AOPEP: variants seen among roughly 807,000 people sequenced by gnomAD.
AOPEP encodes aminopeptidase O.
Under a neutral mutation model 98.1 loss-of-function variants are expected in AOPEP, and 77 were observed. The ratio of observed to expected loss-of-function variants is 0.78; its 90% confidence interval spans 0.65 to 0.95. The LOEUF is 0.95. AOPEP is among the 40% of genes least tolerant of loss of function. AOPEP has a pLI of 0.00. For missense variants in AOPEP, 1,024 were observed against 1,024.7 expected (o/e 1.00, Z 0.01); for synonymous variants, 346 against 365.3 (o/e 0.95, Z 0.60).
At chr9:95,147,583 A>C in the AOPEP span, among the ~76,000 whole-genome samples, 6 of 152,200 alleles carry the variant, frequency 3.9e-5, no homozygotes, top group African/African-American at 1.4e-4. Context: ...TGAGATGGAG[A>C]CATCTGCTAC....
intron 3 of AOPEP, among the ~76,000 whole-genome samples, chr9:94,780,805 G>A (rs929120370): frequency 3.3e-5 from 5 of 152,166 alleles, no homozygotes; most frequent in African/African-American, 1.2e-4. Flanking sequence ...CTGGCAAAGC[G>A]CGACCCAGCA....
intron 13 of AOPEP, among the ~76,000 whole-genome samples, chr9:95,012,280 G>A (rs2062589559): frequency 6.6e-6 from 1 of 152,174 alleles, no homozygotes; most frequent in Non-Finnish European, 1.5e-5. Flanking sequence ...CAGCCGGGAT[G>A]TATTTGAAAA....
chr9:95,146,686 T>C, the AOPEP span, among the ~76,000 whole-genome samples: 1 of 151,928 alleles, frequency 6.6e-6, no homozygotes, highest in Non-Finnish European at 1.5e-5. Flanking sequence ...CTCTGCAAAT[T>C]ATACCACACA....
intron 14 of AOPEP, among the ~76,000 whole-genome samples, chr9:95,076,939 G>A (rs1318946851): frequency 2.6e-5 from 4 of 152,158 alleles, no homozygotes; most frequent in Non-Finnish European, 5.9e-5. Flanking sequence ...AGTCTCCTAG[G>A]GAGCCAAGCC....
chr9:94,773,246 A>G lies in AOPEP; in HGVS notation c.964+78A>G. 5 of 1,320,814 alleles carry G rather than the reference A, an allele frequency of 3.8e-6. No homozygotes were observed. The South Asian group carries it at 7.8e-5, about 21-fold the overall frequency. The allele number at this position is 1,320,814 out of a possible 1,614,324, so 81.8% of individuals were successfully genotyped here. On this transcript the variant is annotated intron_variant, in intron 3 of 16. Coordinates refer to ENST00000375315, the MANE Select transcript of AOPEP (RefSeq NM_001193329.3). The stretch of plus-strand genomic sequence containing the variant: ...GGAACCCAATAAACAGTATTTTTCT[A>G]AACTTTAAAGAGCTCCTTTATTAGT...
chr9:95,095,072 A>G, the AOPEP span, among the ~76,000 whole-genome samples: 6 of 152,376 alleles, frequency 3.9e-5, no homozygotes, highest in South Asian at 1.2e-3. Context: ...CATGGCGTCC[A>G]GGATTTCCTC....
At chr9:94,804,057 A>G (rs1012643068) in intron 5 of AOPEP, among the ~76,000 whole-genome samples, 7 of 152,182 alleles carry the variant, frequency 4.6e-5, no homozygotes, top group Non-Finnish European at 1.0e-4. Context: ...TACTGTTTTC[A>G]TTGTGTCCTC....
chr9:94,789,921 G>T (rs923117565), intron 3 of AOPEP, among the ~76,000 whole-genome samples: 133 of 151,512 alleles, frequency 8.8e-4, no homozygotes, highest in African/African-American at 3.1e-3. Flanking sequence ...TGGCCCAGGC[G>T]GGAGTGCAGT....
chr9:95,028,229 T>C (rs1452500501), intron 13 of AOPEP, among the ~76,000 whole-genome samples: 1 of 152,218 alleles, frequency 6.6e-6, no homozygotes, highest in Non-Finnish European at 1.5e-5. Flanking sequence ...TTTACATCAA[T>C]TATTTTGGCC....
At chr9:95,111,134 C>T in the AOPEP span, 4 of 1,534,020 alleles carry the variant, frequency 2.6e-6, no homozygotes, top group Non-Finnish European at 3.5e-6. Flanking sequence ...CAGCCCGCCT[C>T]TGCAGGGCAC....
chr9:95,057,381 A>G (rs996753767), intron 13 of AOPEP, among the ~76,000 whole-genome samples: 4 of 151,616 alleles, frequency 2.6e-5, no homozygotes, highest in African/African-American at 9.7e-5. Context: ...AGCATGTCCC[A>G]CTCCCCCTGT....
At chr9:94,739,753 G>T (rs1363736793) in intron 1 of AOPEP, among the ~76,000 whole-genome samples, 1 of 151,962 alleles carries the variant, frequency 6.6e-6, no homozygotes, top group African/African-American at 2.4e-5. Context: ...GTCTCTCCTT[G>T]TTACGCTAGG....
intron 14 of AOPEP, 111 bp from the exon 15 acceptor site, chr9:95,080,583 G>A: frequency 1.4e-6 from 1 of 709,826 alleles, no homozygotes; most frequent in Admixed American, 2.2e-5. Context: ...AACAATGCCA[G>A]CCCATTTGAG....
chr9:95,070,132 C>T (rs961483796), intron 14 of AOPEP, among the ~76,000 whole-genome samples: 5 of 152,330 alleles, frequency 3.3e-5, no homozygotes, highest in African/African-American at 7.2e-5. Context: ...AGGTAGACGG[C>T]CTCCACCTGT....
chr9:94,818,307 G>A (rs564433360), intron 5 of AOPEP, among the ~76,000 whole-genome samples: 94 of 152,308 alleles, frequency 6.2e-4, no homozygotes, highest in African/African-American at 2.2e-3. Flanking sequence ...AAACACATAA[G>A]TTTTGTGGCT....
chr9:94,828,625 G>C (rs560786102), intron 5 of AOPEP, among the ~76,000 whole-genome samples: 1 of 152,162 alleles, frequency 6.6e-6, no homozygotes, highest in African/African-American at 2.4e-5. Flanking sequence ...GAGGAATTCA[G>C]CTCTTGAGCA....
At chr9:94,974,041 A>G (rs1307827921) in intron 10 of AOPEP, among the ~76,000 whole-genome samples, 1 of 152,192 alleles carries the variant, frequency 6.6e-6, no homozygotes, top group East Asian at 1.9e-4. Flanking sequence ...ACCTGCACAC[A>G]TGTCATCTTT....
intron 5 of AOPEP, among the ~76,000 whole-genome samples, chr9:94,862,708 C>G (rs891979739): frequency 1.3e-5 from 2 of 152,182 alleles, no homozygotes; most frequent in Non-Finnish European, 2.9e-5. Context: ...TCCCCACTTG[C>G]AATCACACTG....
At chr9:94,818,319 A>G (rs1446603805) in intron 5 of AOPEP, among the ~76,000 whole-genome samples, 5 of 152,224 alleles carry the variant, frequency 3.3e-5, no homozygotes, top group Admixed American at 1.3e-4. Flanking sequence ...TTTGTGGCTT[A>G]TTAGTGTGAA....
Sources: allele counts gnomAD v4.1 joint callset (sites outside exome capture counted in the v4.1 genomes callset), GRCh38; gene constraint gnomAD v4.1.1; transcripts MANE v1.5; gene names NCBI Gene and HGNC (gene_info 2026-07-23, HGNC 2026-07-21).